The following PTPRK variants were observed in gnomAD, a reference collection of about 807,000 sequenced individuals.
PTPRK encodes the protein protein tyrosine phosphatase receptor type K, also known as receptor-type tyrosine-protein phosphatase kappa.
In PTPRK, 75 loss-of-function variants were observed where a neutral mutation model predicts 178.0. The observed-to-expected ratio is 0.42, with a 90% CI of 0.35 to 0.51. PTPRK has a LOEUF of 0.51. Ranked by LOEUF, PTPRK falls within the 20% of genes least tolerant of loss-of-function variation. PTPRK has a pLI of 0.02. For missense variants in PTPRK, 1,441 were observed against 1,797.8 expected (o/e 0.80, Z 3.59); for synonymous variants, 637 against 620.6 (o/e 1.03, Z -0.39).
rs1344598032 is a variant in PTPRK at position 128,520,481 on chromosome 6, GC to G, written c.-124del. On this transcript the variant is annotated 5_prime_UTR_variant, in exon 1 of 30. Coordinates refer to ENST00000368226, the MANE Select transcript of PTPRK (RefSeq NM_002844.4). ...GAGGACGGTGAGAGGACAGCCGCCC[GC>G]CCGCCCTTTTTCCTTCTTCGCGGTC... 2 of 873,076 alleles carry G rather than the reference GC, an allele frequency of 2.3e-6. No individual in the cohort carries two copies. The highest frequency in any genetic ancestry group is 3.4e-5 in the African/African-American group (2 of 59,398). The allele number at this position is 873,076 out of a possible 1,614,324, so 54.1% of individuals were successfully genotyped here.
chr6:128,455,264 T>C (rs192971629), intron 1 of PTPRK, among the ~76,000 whole-genome samples: 1 of 152,240 alleles, frequency 6.6e-6, no homozygotes, highest in African/African-American at 2.4e-5. Flanking sequence ...AATAAATAAA[T>C]AGATCCAAAA....
Position 128,219,153 on chromosome 6 carries a change from A to C in PTPRK, c.694-57T>G. 9 of 1,462,486 alleles carry C rather than the reference A, an allele frequency of 6.2e-6. No individual in the cohort carries two copies. In the South Asian group the frequency reaches 1.1e-4, roughly 18 times the overall value. The allele number at this position is 1,462,486 out of a possible 1,614,324, so 90.6% of individuals were successfully genotyped here. On this transcript the variant is annotated intron_variant, in intron 5 of 29. Coordinates refer to ENST00000368226, the MANE Select transcript of PTPRK (RefSeq NM_002844.4). ...TTCTTACTATTTTCATAAATCTATA[A>C]AGCATCTTAGCAAGCAATATCTGTG...
In PTPRK at chr6:128,361,663, G is replaced by A. The variant is rs1584357911; in HGVS notation, c.223+35903C>T. 3.9e-5 allele frequency among the ~76,000 whole-genome samples: 6 copies of A among 152,084 alleles called. No homozygotes were observed. The South Asian group carries it at 1.2e-3, about 32-fold the overall frequency. ...AACCTGTACAGCATGGTGCTGTACT[G>A]AATACTGTAGGCAGCTGCATCACAA... On this transcript the variant is annotated intron_variant, in intron 2 of 29. Transcript: ENST00000368226.
chr6:128,326,072 G>C (rs1007255574), intron 2 of PTPRK, among the ~76,000 whole-genome samples: 2 of 152,094 alleles, frequency 1.3e-5, no homozygotes, highest in Non-Finnish European at 2.9e-5. Flanking sequence ...CACAAGAACA[G>C]AAAACCAAAC....
intron 3 of PTPRK, among the ~76,000 whole-genome samples, chr6:128,314,615 G>T (rs994245226): frequency 8.6e-5 from 13 of 152,000 alleles, no homozygotes; most frequent in African/African-American, 3.1e-4. Flanking sequence ...GCTTTAAATA[G>T]ACAATTTTGT....
At chr6:128,291,138 T>C (rs1442217414) in intron 3 of PTPRK, among the ~76,000 whole-genome samples, 2 of 152,104 alleles carry the variant, frequency 1.3e-5, no homozygotes, top group African/African-American at 4.8e-5. Context: ...CATAAGAGTC[T>C]TTAAAAGTAA....
chr6:128,506,890 A>G (rs1311916056), intron 1 of PTPRK, among the ~76,000 whole-genome samples: 1 of 152,104 alleles, frequency 6.6e-6, no homozygotes, highest in African/African-American at 2.4e-5. Flanking sequence ...TTTAAGAGAT[A>G]ACAGCATGAG....
intron 7 of PTPRK, among the ~76,000 whole-genome samples, chr6:128,155,260 T>C (rs1031865219): frequency 6.6e-6 from 1 of 151,772 alleles, no homozygotes. Context: ...ATACTTCTAT[T>C]AGGAGGCTCA....
At chr6:128,052,888 A>G (rs1047232503) in intron 13 of PTPRK, among the ~76,000 whole-genome samples, 2 of 152,136 alleles carry the variant, frequency 1.3e-5, no homozygotes, top group African/African-American at 4.8e-5. Context: ...AGTTCAGCCA[A>G]TGAGGGGCCC....
chr6:128,080,136 A>C (rs1408586854), intron 10 of PTPRK, among the ~76,000 whole-genome samples: 6 of 152,138 alleles, frequency 3.9e-5, no homozygotes, highest in Admixed American at 3.9e-4. Context: ...ACTCATCAGG[A>C]AGAGAAAGGA....
rs761474548 is a variant in PTPRK at position 128,192,438 on chromosome 6, C to T, written c.869-7713G>A. 6.8e-4 allele frequency among the ~76,000 whole-genome samples: 103 copies of T among 152,090 alleles called. 1 individual carries two copies. Among genetic ancestry groups the T allele is most frequent in the Admixed American group, 7.2e-4 (11 of 15,266 alleles). ...ATTACATTCCCAGTGTTTCTTTTAG[C>T]GCCTGACAAAGTTCAATACTATTAT... On this transcript the variant is annotated intron_variant, in intron 6 of 29. Coordinates refer to ENST00000368226, the MANE Select transcript of PTPRK (RefSeq NM_002844.4).
chr6:128,287,294 T>C (rs1052423769), intron 3 of PTPRK, among the ~76,000 whole-genome samples: 2 of 152,190 alleles, frequency 1.3e-5, no homozygotes, highest in African/African-American at 4.8e-5. Flanking sequence ...CAGTACTGTC[T>C]TCCCTGAAGA....
At chr6:128,236,016 C>T (rs1813187680) in intron 5 of PTPRK, among the ~76,000 whole-genome samples, 1 of 151,886 alleles carries the variant, frequency 6.6e-6, no homozygotes, top group South Asian at 2.1e-4. Context: ...CTTACTGTGT[C>T]TAATTTATTA....
At chr6:128,187,945 A>G (rs979098478) in intron 6 of PTPRK, among the ~76,000 whole-genome samples, 3 of 152,206 alleles carry the variant, frequency 2.0e-5, no homozygotes, top group Non-Finnish European at 4.4e-5. Flanking sequence ...AATGGGGCTT[A>G]TTTATAAAAT....
At chr6:128,466,866 TAAA>T (rs1849911601) in intron 1 of PTPRK, among the ~76,000 whole-genome samples, 2 of 152,108 alleles carry the variant, frequency 1.3e-5, no homozygotes, top group African/African-American at 4.8e-5. Context: ...AATAAACCCT[TAAA>T]AAATATCAGA....
At chr6:128,212,226 T>A (rs541046692) in intron 6 of PTPRK, among the ~76,000 whole-genome samples, 2 of 152,034 alleles carry the variant, frequency 1.3e-5, no homozygotes, top group Non-Finnish European at 2.9e-5. Flanking sequence ...ACTGAGACTA[T>A]GTATGCGATT....
At chr6:128,157,796 T>C (rs552497103) in intron 7 of PTPRK, among the ~76,000 whole-genome samples, 72 of 152,178 alleles carry the variant, frequency 4.7e-4, no homozygotes, top group African/African-American at 1.7e-3. Context: ...TGATTTTTTC[T>C]TGTAAATCTG....
intron 21 of PTPRK, 87 bp downstream of exon 21, chr6:127,990,682 G>A: frequency 1.2e-6 from 1 of 801,606 alleles, no homozygotes; most frequent in East Asian, 2.5e-5. Flanking sequence ...GGATTTTATA[G>A]CATCATCAAA....
chr6:128,439,377 T>G (rs1016013958), intron 1 of PTPRK, among the ~76,000 whole-genome samples: 1 of 152,172 alleles, frequency 6.6e-6, no homozygotes, highest in South Asian at 2.1e-4. Flanking sequence ...CAATATATTT[T>G]TTAATAAAAT....
Sources: allele counts gnomAD v4.1 joint callset (sites outside exome capture counted in the v4.1 genomes callset), GRCh38; gene constraint gnomAD v4.1.1; transcripts MANE v1.5; gene names NCBI Gene and HGNC (gene_info 2026-07-23, HGNC 2026-07-21).